RASA2: variants seen among roughly 807,000 people sequenced by gnomAD.
The protein encoded by RASA2 is ras GTPase-activating protein 2.
In RASA2, 155 loss-of-function variants were observed where a neutral mutation model predicts 118.2. The ratio of observed to expected loss-of-function variants is 1.31; its 90% CI spans 1.15 to 1.50. RASA2 has a LOEUF of 1.50. Ranked by LOEUF, RASA2 falls within the 40% of genes most tolerant of loss-of-function variation. The probability of loss-of-function intolerance (pLI) is 0.00; values close to 1 mark genes in which losing one functional copy is unlikely to be tolerated. For synonymous variants in RASA2, 353 were observed against 349.1 expected (o/e 1.01, Z -0.12); for missense variants, 1,016 against 1,009.6 (o/e 1.01, Z -0.09).
intron 1 of RASA2, among the ~76,000 whole-genome samples, chr3:141,500,066 T>A (rs2081756813): frequency 6.6e-6 from 1 of 152,256 alleles, no homozygotes; most frequent in South Asian, 2.1e-4. Flanking sequence ...GCAGTCACCA[T>A]ATGCCTATTG....
At chr3:141,495,448 G>C (rs1024576714) in intron 1 of RASA2, among the ~76,000 whole-genome samples, 2 of 152,118 alleles carry the variant, frequency 1.3e-5, no homozygotes, top group Non-Finnish European at 2.9e-5. Flanking sequence ...ATACGAATAG[G>C]CATCTCACAG....
chr3:141,603,838 T>C (rs765350688), intron 19 of RASA2, among the ~76,000 whole-genome samples: 5 of 152,242 alleles, frequency 3.3e-5, no homozygotes, highest in Non-Finnish European at 7.3e-5. Context: ...CATGGAATCA[T>C]ATGTAGCCTT....
chr3:141,596,214 G>T (rs2083365295), intron 19 of RASA2, among the ~76,000 whole-genome samples: 1 of 151,996 alleles, frequency 6.6e-6, no homozygotes. Context: ...TATGATACCT[G>T]GAAGAGCCCC....
chr3:141,543,013 G>T (rs2082428411), intron 5 of RASA2, among the ~76,000 whole-genome samples: 2 of 151,744 alleles, frequency 1.3e-5, no homozygotes, highest in African/African-American at 4.8e-5. Flanking sequence ...TTTTTGGTGA[G>T]TTTTTTCCAT....
intron 3 of RASA2, among the ~76,000 whole-genome samples, chr3:141,526,432 C>G (rs566325557): frequency 2.8e-4 from 42 of 152,166 alleles, no homozygotes; most frequent in African/African-American, 7.5e-4. Flanking sequence ...TATCCTTCCA[C>G]CTTTTTTCCT....
intron 1 of RASA2, among the ~76,000 whole-genome samples, chr3:141,498,745 C>A (rs1441221704): frequency 6.6e-6 from 1 of 152,106 alleles, no homozygotes; most frequent in Non-Finnish European, 1.5e-5. Context: ...TATAGCCTGT[C>A]CATGTAGCCC....
intron 4 of RASA2, 46 bp downstream of exon 4, chr3:141,529,848 G>T: frequency 7.0e-7 from 1 of 1,426,406 alleles, no homozygotes; most frequent in South Asian, 1.2e-5. Flanking sequence ...CACAGGAAAT[G>T]AGTAAAAAAT....
At chr3:141,577,184 AT>A in intron 15 of RASA2, 78 bp downstream of exon 15, 1 of 1,087,940 alleles carries the variant, frequency 9.2e-7, no homozygotes, top group Non-Finnish European at 1.3e-6. Flanking sequence ...AAATAAACCA[AT>A]TTCACTAGGC....
chr3:141,571,153 T>G, intron 10 of RASA2, 85 bp downstream of exon 10: 2 of 1,388,214 alleles, frequency 1.4e-6, no homozygotes, highest in Non-Finnish European at 1.9e-6. Flanking sequence ...TTCAAGAGTA[T>G]CAAGTCTTAT....
intron 5 of RASA2, among the ~76,000 whole-genome samples, chr3:141,546,140 A>G (rs980361008): frequency 3.9e-5 from 6 of 152,160 alleles, no homozygotes; most frequent in Non-Finnish European, 5.9e-5. Context: ...ATTCTTGACT[A>G]TTGTGAATAG....
intron 19 of RASA2, among the ~76,000 whole-genome samples, chr3:141,589,565 G>A (rs953368836): frequency 6.6e-6 from 1 of 152,152 alleles, no homozygotes; most frequent in Middle Eastern, 3.4e-3. Flanking sequence ...TGTTCTGGCC[G>A]GGCGCGGTGG....
chr3:141,509,597 G>A (rs763129576), intron 1 of RASA2, among the ~76,000 whole-genome samples: 4 of 151,904 alleles, frequency 2.6e-5, no homozygotes, highest in African/African-American at 9.7e-5. Flanking sequence ...TTGGACTTTC[G>A]TTTAAAAAAA....
intron 17 of RASA2, among the ~76,000 whole-genome samples, chr3:141,584,675 T>G (rs563551697): frequency 6.6e-6 from 1 of 152,306 alleles, no homozygotes; most frequent in East Asian, 1.9e-4. Context: ...GAAAATATTT[T>G]AGGCTTTGCT....
intron 19 of RASA2, among the ~76,000 whole-genome samples, chr3:141,602,711 A>G (rs1029545174): frequency 3.9e-5 from 6 of 152,210 alleles, no homozygotes; most frequent in African/African-American, 1.4e-4. Flanking sequence ...CCTGAACTTG[A>G]TTAGTTTAGT....
intron 4 of RASA2, among the ~76,000 whole-genome samples, chr3:141,536,383 A>G (rs1328422721): frequency 6.6e-6 from 1 of 152,200 alleles, no homozygotes; most frequent in Non-Finnish European, 1.5e-5. Context: ...GGTTCCTCCC[A>G]CAACACATGG....
intron 4 of RASA2, among the ~76,000 whole-genome samples, chr3:141,532,315 T>TA (rs939247221): frequency 1.1e-3 from 165 of 151,850 alleles, no homozygotes; most frequent in African/African-American, 3.8e-3. Flanking sequence ...TATTAGTCAT[T>TA]AAAAAAAATA....
chr3:141,489,398 G>A (rs2081614262), intron 1 of RASA2, among the ~76,000 whole-genome samples: 1 of 152,206 alleles, frequency 6.6e-6, no homozygotes, highest in Admixed American at 6.5e-5. Context: ...TGGGGACTGA[G>A]GGGTTGGAAG....
intron 14 of RASA2, among the ~76,000 whole-genome samples, chr3:141,575,251 T>G (rs376712469): frequency 2.0e-5 from 3 of 152,222 alleles, no homozygotes; most frequent in Admixed American, 6.5e-5. Context: ...ATGTGTGCAG[T>G]TAACTGCACT....
At chr3:141,576,790 A>G (rs1228112519) in intron 14 of RASA2, among the ~76,000 whole-genome samples, 4 of 151,894 alleles carry the variant, frequency 2.6e-5, no homozygotes, top group Non-Finnish European at 5.9e-5. Context: ...GTCTTTTTTC[A>G]TATTATTTCT....
Sources: gnomAD v4.1 joint callset for allele counts (sites outside exome capture counted in the v4.1 genomes callset) on GRCh38, gnomAD v4.1.1 for gene constraint, MANE v1.5 for transcripts, NCBI Gene and HGNC (gene_info 2026-07-23, HGNC 2026-07-21) for gene names.